CRPPA: variants seen among roughly 807,000 people sequenced by gnomAD.
CRPPA encodes CDP-L-ribitol pyrophosphorylase A, also known as D-ribitol-5-phosphate cytidylyltransferase.
A neutral mutation model predicts 52.0 loss-of-function variants in CRPPA; 43 were observed. That is an observed-to-expected ratio of 0.83 (90% CI 0.65 to 1.07). CRPPA has a LOEUF of 1.07. CRPPA is among the 50% of genes least tolerant of loss of function. CRPPA has a pLI of 0.00. For missense variants in CRPPA, 629 were observed against 551.7 expected, an observed-to-expected ratio of 1.14 and a Z score of -1.40; for synonymous variants, 250 against 203.5, an observed-to-expected ratio of 1.23 and a Z score of -1.94.
chr7:16,211,889 A>C (rs991093216), intron 9 of CRPPA, among the ~76,000 whole-genome samples: 1 of 152,218 alleles, frequency 6.6e-6, no homozygotes, highest in African/African-American at 2.4e-5. Context: ...GAGAAGAACA[A>C]TTGTACTTAC....
intron 9 of CRPPA, among the ~76,000 whole-genome samples, chr7:16,173,314 T>C (rs981063063): frequency 6.6e-6 from 1 of 152,186 alleles, no homozygotes; most frequent in Non-Finnish European, 1.5e-5. Context: ...CATTGTTTTA[T>C]GTTTGAGACC....
rs1362158216 is a variant in CRPPA at position 16,120,709 on chromosome 7, C to T, written c.1252-28910G>A. On this transcript the variant is annotated intron_variant, in intron 9 of 9. Transcript: ENST00000407010. ...CTGCAAAACCTCATTGAAGTCATCC[C>T]TTGAATAAAGTCTTCTTTACTATCT... Among the ~76,000 whole-genome samples the T allele has an allele frequency of 3.3e-5, 5 of 152,144 alleles. No homozygotes were observed. In the East Asian group the frequency reaches 9.7e-4, roughly 29 times the overall value.
chr7:16,402,447 CAATCCA>C (rs1787842366), intron 2 of CRPPA, among the ~76,000 whole-genome samples: 1 of 152,078 alleles, frequency 6.6e-6, no homozygotes, highest in Non-Finnish European at 1.5e-5. Flanking sequence ...CATGGGCTTA[CAATCCA>C]AATTATAAAA....
chr7:16,405,028 A>G (rs748079855), intron 2 of CRPPA, among the ~76,000 whole-genome samples: 10 of 152,196 alleles, frequency 6.6e-5, no homozygotes, highest in African/African-American at 9.7e-5. Context: ...AAGTTAGGGA[A>G]AATTTCCTAC....
At chr7:16,199,635 T>C (rs770056877) in intron 9 of CRPPA, among the ~76,000 whole-genome samples, 11 of 148,980 alleles carry the variant, frequency 7.4e-5, no homozygotes, top group Non-Finnish European at 1.5e-4. Flanking sequence ...GCATGTTTCC[T>C]GTGCATATGC....
chr7:16,229,064 C>G (rs1331245658), intron 8 of CRPPA, among the ~76,000 whole-genome samples: 5 of 151,850 alleles, frequency 3.3e-5, no homozygotes, highest in Non-Finnish European at 5.9e-5. Context: ...TATTTATTTG[C>G]TAAAAGTATA....
At chr7:16,232,135 T>A (rs749943138) in intron 8 of CRPPA, among the ~76,000 whole-genome samples, 2 of 152,060 alleles carry the variant, frequency 1.3e-5, no homozygotes, top group Non-Finnish European at 2.9e-5. Context: ...AGAAAATTAG[T>A]CAAAGGCCTA....
At position 16,377,021 on chromosome 7, in the gene CRPPA, C is replaced by A. The variant is rs894868942; in HGVS notation, c.535-780G>T. ...AACCTTATATTTACTCCAAAACATC[C>A]TTTCTTCCACACAATTGCTACATGG... On this transcript the variant is annotated intron_variant, in intron 2 of 9. Transcript: ENST00000407010. 9.9e-5 allele frequency among the ~76,000 whole-genome samples: 15 copies of A among 152,266 alleles called. 1 individual carries two copies. The highest frequency in any genetic ancestry group is 5.2e-4 in the Admixed American group (8 of 15,300).
chr7:16,325,932 G>T (rs542485873), intron 3 of CRPPA, among the ~76,000 whole-genome samples: 45 of 151,712 alleles, frequency 3.0e-4, no homozygotes, highest in African/African-American at 1.1e-3. Flanking sequence ...CACAATAAAG[G>T]GATAAGCTAT....
At chr7:16,299,480 G>C (rs919646825) in intron 5 of CRPPA, among the ~76,000 whole-genome samples, 12 of 152,180 alleles carry the variant, frequency 7.9e-5, no homozygotes, top group Non-Finnish European at 5.9e-5. Context: ...GACTGAATGA[G>C]GTGGGGCCTG....
chr7:16,209,835 T>C (rs762387929), intron 9 of CRPPA, among the ~76,000 whole-genome samples: 6 of 152,152 alleles, frequency 3.9e-5, no homozygotes, highest in Admixed American at 2.0e-4. Flanking sequence ...TATAATCAAA[T>C]ACAGAAAGAC....
intron 1 of CRPPA, among the ~76,000 whole-genome samples, chr7:16,413,791 A>G (rs1262363452): frequency 6.6e-6 from 1 of 152,204 alleles, no homozygotes; most frequent in Non-Finnish European, 1.5e-5. Context: ...AACAATAATG[A>G]AATATAGACT....
At chr7:16,207,495 G>A (rs1782000637) in intron 9 of CRPPA, among the ~76,000 whole-genome samples, 1 of 152,200 alleles carries the variant, frequency 6.6e-6, no homozygotes, top group Admixed American at 6.5e-5. Flanking sequence ...TTGTACAGCT[G>A]CTTATGCAGT....
At chr7:16,367,918 A>G (rs13438366) in intron 3 of CRPPA, among the ~76,000 whole-genome samples, 3,358 of 152,246 alleles carry the variant, frequency 0.022, 108 homozygotes, top group African/African-American at 0.075. Flanking sequence ...AGCAAAAGGT[A>G]CATAATTAAC....
intron 9 of CRPPA, among the ~76,000 whole-genome samples, chr7:16,116,961 T>C (rs1318214338): frequency 2.6e-5 from 4 of 152,212 alleles, no homozygotes; most frequent in African/African-American, 9.6e-5. Context: ...CTAGAGACCA[T>C]GTTTTCCTGT....
intron 9 of CRPPA, among the ~76,000 whole-genome samples, chr7:16,143,624 T>C (rs577749977): frequency 1.1e-4 from 16 of 152,340 alleles, no homozygotes; most frequent in African/African-American, 3.8e-4. Context: ...ATGGAGATAT[T>C]GGTTTCTGTA....
At chr7:16,286,095 A>ATATATATATATATATATAT (rs1554309930) in intron 5 of CRPPA, among the ~76,000 whole-genome samples, 6 of 26,518 alleles carry the variant, frequency 2.3e-4, no homozygotes, top group African/African-American at 1.7e-3. Context: ...TTTAAAAAAA[A>ATATATATATATATATATAT]AAATATATAT....
chr7:16,286,317 A>C (rs1382707096), intron 5 of CRPPA, among the ~76,000 whole-genome samples: 1 of 94,036 alleles, frequency 1.1e-5, no homozygotes, highest in African/African-American at 3.0e-5. Flanking sequence ...AGCCTCATCC[A>C]ATCAAATGAA....
intron 8 of CRPPA, among the ~76,000 whole-genome samples, chr7:16,239,935 T>C (rs2128405907): frequency 6.6e-6 from 1 of 152,256 alleles, no homozygotes; most frequent in East Asian, 1.9e-4. Context: ...TGCTTCAGAA[T>C]TCCATTCTAT....
Sources: allele counts gnomAD v4.1 joint callset (sites outside exome capture counted in the v4.1 genomes callset), GRCh38; gene constraint gnomAD v4.1.1; transcripts MANE v1.5; gene names NCBI Gene and HGNC (gene_info 2026-07-23, HGNC 2026-07-21).